The following FAM193A variants were observed in gnomAD, a reference collection of about 807,000 sequenced individuals.
The protein encoded by FAM193A is family with sequence similarity 193 member A.
In FAM193A, 22 loss-of-function variants were observed where a neutral mutation model predicts 126.5. The ratio of observed to expected loss-of-function variants is 0.17; its 90% confidence interval spans 0.12 to 0.25. The LOEUF is 0.25. FAM193A is among the 10% of genes least tolerant of loss of function. The probability of loss-of-function intolerance (pLI) is 1.00; values close to 1 mark genes in which losing one functional copy is unlikely to be tolerated. For synonymous variants in FAM193A, 761 were observed against 646.8 expected (o/e 1.18, Z -2.68); for missense variants, 1,675 against 1,672.8 (o/e 1.00, Z -0.02).
Position 2,716,030 on chromosome 4 carries a change from C to A in FAM193A, c.4380C>A (p.Val1460=), listed in dbSNP as rs767567789. 30 of 1,586,626 alleles carry A rather than the reference C, an allele frequency of 1.9e-5. No individual in the cohort carries two copies. Among genetic ancestry groups the A allele is most frequent in the Non-Finnish European group, 2.4e-5 (28 of 1,154,948 alleles). Residue 1460 remains valine (V), a synonymous_variant, in exon 20 of 21, where the codon GTC becomes GTA. Transcript: ENST00000637812. ...TTCTCTTTTGTTTTACAGATGATGT[C>A]TTTCTACCTAAAGATATTGACCTAG... is the stretch of plus-strand genomic sequence containing the variant. ...GDRVNNSIDD[V]FLPKDIDLDS... is the part of the protein sequence containing the mutation.
intron 12 of FAM193A, among the ~76,000 whole-genome samples, chr4:2,666,407 T>G (rs1713121330): frequency 6.6e-6 from 1 of 152,178 alleles, no homozygotes; most frequent in African/African-American, 2.4e-5. Context: ...CTGAGTTGGT[T>G]TGCTAATATT....
chr4:2,724,573 G>C (rs1405517424), intron 20 of FAM193A, among the ~76,000 whole-genome samples: 1 of 152,162 alleles, frequency 6.6e-6, no homozygotes, highest in Non-Finnish European at 1.5e-5. Flanking sequence ...AAATAAGCCA[G>C]GCACAGCGTT....
chr4:2,642,290 G>A (rs1212398934), intron 6 of FAM193A, among the ~76,000 whole-genome samples: 1 of 152,036 alleles, frequency 6.6e-6, no homozygotes, highest in South Asian at 2.1e-4. Flanking sequence ...GGGACAGAGC[G>A]AGACTCCATC....
At chr4:2,637,541 C>T (rs563187354) in intron 5 of FAM193A, among the ~76,000 whole-genome samples, 1 of 152,214 alleles carries the variant, frequency 6.6e-6, no homozygotes, top group Non-Finnish European at 1.5e-5. Context: ...ATCTTCTCTT[C>T]CTTCTTTCAA....
chr4:2,671,484 G>C (rs1039027024), intron 12 of FAM193A, among the ~76,000 whole-genome samples: 4 of 152,154 alleles, frequency 2.6e-5, no homozygotes, highest in African/African-American at 9.7e-5. Context: ...CCGAGTCAGG[G>C]GTGGAGTACA....
intron 1 of FAM193A, among the ~76,000 whole-genome samples, chr4:2,555,303 ATTTTGT>A (rs1461651727): frequency 6.6e-6 from 1 of 152,060 alleles, no homozygotes; most frequent in Non-Finnish European, 1.5e-5. Context: ...TATAACATTT[ATTTTGT>A]TTTTACTATG....
intron 12 of FAM193A, among the ~76,000 whole-genome samples, chr4:2,668,417 T>A (rs1347867484): frequency 6.6e-6 from 1 of 151,994 alleles, no homozygotes. Context: ...TTTTGCCACT[T>A]TGGCCAGGCT....
chr4:2,629,920 CAGG>C (rs1047485070), intron 4 of FAM193A, among the ~76,000 whole-genome samples: 1 of 152,134 alleles, frequency 6.6e-6, no homozygotes, highest in Non-Finnish European at 1.5e-5. Context: ...ATCACAAGGT[CAGG>C]AGATCGGGAC....
At chr4:2,561,557 C>T (rs1197854739) in intron 1 of FAM193A, among the ~76,000 whole-genome samples, 10 of 145,810 alleles carry the variant, frequency 6.9e-5, no homozygotes, top group African/African-American at 1.5e-4. Context: ...AGTGCAGTGG[C>T]GCAATCTCGG....
intron 6 of FAM193A, among the ~76,000 whole-genome samples, chr4:2,640,634 G>C (rs983308858): frequency 6.6e-6 from 1 of 152,108 alleles, no homozygotes; most frequent in African/African-American, 2.4e-5. Flanking sequence ...CCATAATACA[G>C]ACCCATCGTG....
chr4:2,602,422 T>C (rs941015435), intron 2 of FAM193A, among the ~76,000 whole-genome samples: 14 of 150,312 alleles, frequency 9.3e-5, no homozygotes, highest in South Asian at 2.1e-4. Flanking sequence ...TTGTGTGATC[T>C]CGGCTCACTG....
At chr4:2,556,469 G>A (rs915138673) in intron 1 of FAM193A, among the ~76,000 whole-genome samples, 11 of 152,158 alleles carry the variant, frequency 7.2e-5, no homozygotes, top group African/African-American at 2.7e-4. Context: ...CTCCCAAAGT[G>A]CTGGGATTAC....
chr4:2,615,578 GTGCGATCTCGGCTC>G (rs1375058162), intron 2 of FAM193A, among the ~76,000 whole-genome samples: 2 of 152,130 alleles, frequency 1.3e-5, no homozygotes, highest in Non-Finnish European at 1.5e-5. Context: ...GAGTGCAGTG[GTGCGATCTCGGCTC>G]ACTGCAACCT....
intron 2 of FAM193A, among the ~76,000 whole-genome samples, chr4:2,601,227 C>CTTTTTTTTTTTTT (rs1201989388): frequency 9.0e-6 from 1 of 110,668 alleles, no homozygotes; most frequent in Non-Finnish European, 1.8e-5. Context: ...TCTTCTTCTT[C>CTTTTTTTTTTTTT]TTTTTTTTTT....
chr4:2,541,859 C>G (rs1320796974), intron 1 of FAM193A, among the ~76,000 whole-genome samples: 1 of 151,770 alleles, frequency 6.6e-6, no homozygotes, highest in East Asian at 1.9e-4. Flanking sequence ...GAGACAGAGT[C>G]TTGCTCTGTC....
intron 6 of FAM193A, among the ~76,000 whole-genome samples, chr4:2,645,996 T>G (rs1483231091): frequency 2.6e-5 from 4 of 152,140 alleles, no homozygotes; most frequent in African/African-American, 7.2e-5. Flanking sequence ...AAAATAACTT[T>G]GTATTCCCAT....
Position 2,699,712 on chromosome 4 carries a change from C to T in FAM193A, c.3540C>T (p.Ala1180=), listed in dbSNP as rs190130109. The change falls in exon 19 of 21, where the codon GCC becomes GCT. Residue 1180 remains alanine (A), a synonymous_variant. Coordinates refer to ENST00000637812, the MANE Select transcript of FAM193A (RefSeq NM_001366318.2). ...LEEKARLEAE[A]RAREHLHLQE... ...AGAAAGCTCGCCTAGAAGCAGAGGC[C>T]AGGGCCCGGGAGCACCTGCACCTCC... 2.7e-5 allele frequency: 43 copies of T among 1,612,436 alleles called. No homozygotes were observed. In the African/African-American group the frequency reaches 4.1e-4, roughly 16 times the overall value.
intron 2 of FAM193A, among the ~76,000 whole-genome samples, chr4:2,618,516 C>G (rs1742341667): frequency 1.3e-5 from 2 of 151,534 alleles, no homozygotes; most frequent in Non-Finnish European, 2.9e-5. Flanking sequence ...CAACCTCTGC[C>G]TCCTGGGTTC....
intron 3 of FAM193A, among the ~76,000 whole-genome samples, chr4:2,626,026 G>A (rs901096282): frequency 5.3e-5 from 8 of 152,088 alleles, no homozygotes; most frequent in Non-Finnish European, 7.4e-5. Context: ...GCCCAGCCCA[G>A]GAGCACATCT....
Sources: gnomAD v4.1 joint callset for allele counts (sites outside exome capture counted in the v4.1 genomes callset) on GRCh38, gnomAD v4.1.1 for gene constraint, MANE v1.5 for transcripts, NCBI Gene and HGNC (gene_info 2026-07-23, HGNC 2026-07-21) for gene names.